USH2A: variants seen among roughly 807,000 people sequenced by gnomAD.
The protein encoded by USH2A is usherin, also known as Usher syndrome 2A (autosomal recessive, mild).
Under a neutral mutation model 538.9 loss-of-function variants are expected in USH2A, and 443 were observed. The observed-to-expected ratio is 0.82, with a 90% CI of 0.76 to 0.89. USH2A has a LOEUF of 0.89. Ranked by LOEUF, USH2A falls within the 40% of genes least tolerant of loss-of-function variation. The probability of loss-of-function intolerance (pLI) is 0.00; values close to 1 mark genes in which losing one functional copy is unlikely to be tolerated. For missense variants in USH2A, 6,633 were observed against 6,324.8 expected (o/e 1.05, Z -1.65); for synonymous variants, 2,413 against 2,273.5 (o/e 1.06, Z -1.75).
At chr1:215,955,910 C>T (rs1667053660) in intron 37 of USH2A, among the ~76,000 whole-genome samples, 1 of 152,124 alleles carries the variant, frequency 6.6e-6, no homozygotes, top group Non-Finnish European at 1.5e-5. Context: ...GGACCCATCA[C>T]CATCCAAGGA....
intron 14 of USH2A, among the ~76,000 whole-genome samples, chr1:216,229,910 G>T (rs1169143882): frequency 1.3e-5 from 2 of 152,140 alleles, no homozygotes; most frequent in Non-Finnish European, 2.9e-5. Flanking sequence ...TAAGAACATT[G>T]TAGGGTAGAG....
chr1:216,191,746 C>G (rs1207259947), intron 19 of USH2A, among the ~76,000 whole-genome samples: 1 of 151,708 alleles, frequency 6.6e-6, no homozygotes, highest in Non-Finnish European at 1.5e-5. Context: ...TGGTAGATTT[C>G]AATGTAAATT....
intron 64 of USH2A, among the ~76,000 whole-genome samples, chr1:215,652,414 A>AGCTT (rs1463764726): frequency 6.6e-6 from 1 of 152,240 alleles, no homozygotes; most frequent in Non-Finnish European, 1.5e-5. Flanking sequence ...AAGGTGTCTT[A>AGCTT]GCTTGCAAGG....
intron 47 of USH2A, among the ~76,000 whole-genome samples, chr1:215,826,796 A>C (rs532606867): frequency 6.6e-6 from 1 of 152,152 alleles, no homozygotes; most frequent in Non-Finnish European, 1.5e-5. Context: ...GCTCCATAAA[A>C]TGGTTATATA....
chr1:215,962,742 A>G (rs904790144), intron 37 of USH2A, among the ~76,000 whole-genome samples: 5 of 152,078 alleles, frequency 3.3e-5, no homozygotes, highest in African/African-American at 1.2e-4. Flanking sequence ...CTGAGACTGC[A>G]GAACAGGCTT....
chr1:216,108,510 C>T (rs1025022519), intron 21 of USH2A, among the ~76,000 whole-genome samples: 2 of 151,802 alleles, frequency 1.3e-5, no homozygotes, highest in African/African-American at 4.8e-5. Context: ...GTTTCATCAT[C>T]AAATTTGAAT....
chr1:216,341,344 G>A (rs181220701), intron 4 of USH2A, among the ~76,000 whole-genome samples: 2 of 152,144 alleles, frequency 1.3e-5, no homozygotes, highest in Admixed American at 6.6e-5. Context: ...GGAAATAAGA[G>A]AAGAAATAAA....
chr1:216,304,560 T>C (rs2037278705), intron 9 of USH2A, among the ~76,000 whole-genome samples: 1 of 151,374 alleles, frequency 6.6e-6, no homozygotes. Context: ...TCAATAAGAG[T>C]GGGTTTGGTT....
intron 37 of USH2A, among the ~76,000 whole-genome samples, chr1:215,951,621 G>C (rs1302435412): frequency 1.3e-5 from 2 of 151,998 alleles, no homozygotes; most frequent in Non-Finnish European, 2.9e-5. Flanking sequence ...TTAACTTTCT[G>C]TCTCGTTGAT....
chr1:216,381,407 G>A lies in USH2A; in HGVS notation c.652-16322C>T, dbSNP rs58970934. On this transcript the variant is annotated intron_variant, in intron 3 of 71. Transcript: ENST00000307340. ...TTCATTCTCTGGAGTGTGAGCAATCGTGAGCATAGTGTTTATTTAAGGAGA... is the reference window on the plus strand; with the variant it reads ...TTCATTCTCTGGAGTGTGAGCAATCATGAGCATAGTGTTTATTTAAGGAGA... Among the ~76,000 whole-genome samples, 706 of 152,280 alleles carry A rather than the reference G, an allele frequency of 4.6e-3. 6 individuals carry two copies. Among genetic ancestry groups the A allele is most frequent in the African/African-American group, 0.016 (646 of 41,558 alleles).
intron 9 of USH2A, among the ~76,000 whole-genome samples, chr1:216,315,803 A>G (rs2037496951): frequency 6.6e-6 from 1 of 152,186 alleles, no homozygotes. Context: ...AAACATTTAT[A>G]AATAACATGT....
At chr1:215,717,783 G>A (rs1659527012) in intron 61 of USH2A, among the ~76,000 whole-genome samples, 1 of 152,152 alleles carries the variant, frequency 6.6e-6, no homozygotes, top group South Asian at 2.1e-4. Flanking sequence ...AGACTACAGA[G>A]AAGCAATAGC....
chr1:215,990,007 A>G (rs1667967321), intron 35 of USH2A, among the ~76,000 whole-genome samples: 1 of 152,190 alleles, frequency 6.6e-6, no homozygotes, highest in Non-Finnish European at 1.5e-5. Context: ...GAATCAGATA[A>G]GTTTGAGAAA....
In USH2A at chr1:215,728,087, C is replaced by A; in HGVS notation, c.12009G>T (p.Gln4003His). Residue 4003 changes from glutamine (Q) to histidine (H), a missense_variant, in exon 61 of 72, where the codon CAG becomes CAT. Physicochemically the swap from Gln to His is conservative, Grantham distance 24. Coordinates refer to ENST00000307340, the MANE Select transcript of USH2A (RefSeq NM_206933.4). ...TAAATGTAGGATCGTCGGGTCTCTC[C>A]TGGTAGACCACACGGTAATGGGAGA... is the stretch of plus-strand genomic sequence containing the variant. ...GIISHYRVVYQERPDDPTFNS... is the reference protein window; with the variant it reads ...GIISHYRVVYHERPDDPTFNS... 6.2e-7 allele frequency: 1 copy of A among 1,614,162 alleles called. No individual in the cohort carries two copies.
rs538321433 is a variant in USH2A, at chr1:215,625,907, G to A, written c.15520-37C>T. 40 of 1,554,296 alleles carry A rather than the reference G, an allele frequency of 2.6e-5. 2 individuals are homozygous for A. In the South Asian group the frequency reaches 4.5e-4, roughly 17 times the overall value. ...GCCAATCATCATTGGCTACATACTT[G>A]CTATCAATAGTATTTGCTATCAATT... is the stretch of plus-strand genomic sequence containing the variant. On this transcript the variant is annotated intron_variant, in intron 71 of 71. Coordinates refer to ENST00000307340, the MANE Select transcript of USH2A (RefSeq NM_206933.4).
intron 32 of USH2A, among the ~76,000 whole-genome samples, chr1:216,010,764 G>A (rs564334994): frequency 9.1e-4 from 138 of 151,762 alleles, no homozygotes; most frequent in Middle Eastern, 6.8e-3. Context: ...TTATTAGGCT[G>A]AGACACTTTA....
chr1:215,782,899 C>T lies in USH2A; in HGVS notation c.10424G>A (p.Arg3475Lys), dbSNP rs1661684078. The change falls in exon 53 of 72, where the codon AGG becomes AAG. Residue 3475 changes from arginine (R) to lysine (K), a missense_variant. Physicochemically the swap from Arg to Lys is conservative, Grantham distance 26. Coordinates refer to ENST00000307340, the MANE Select transcript of USH2A (RefSeq NM_206933.4). ...NLKPYMTYEY[R>K]ISAWNSYGRG... ...CCCATAGCTGTTCCAGGCAGAAATC[C>T]TGTACTCATATGTCATGTAGGGCTT... 2 of 1,613,704 alleles carry T rather than the reference C, an allele frequency of 1.2e-6. No individual in the cohort carries two copies. Among genetic ancestry groups the T allele is most frequent in the Non-Finnish European group, 8.5e-7 (1 of 1,179,848 alleles).
chr1:216,178,675 A>G (rs1013870616), intron 20 of USH2A, among the ~76,000 whole-genome samples: 2 of 152,062 alleles, frequency 1.3e-5, no homozygotes, highest in Non-Finnish European at 2.9e-5. Context: ...GTAATATCCA[A>G]TAGCCAAAAA....
chr1:215,994,765 G>T (rs1668094289), intron 34 of USH2A, among the ~76,000 whole-genome samples: 1 of 152,104 alleles, frequency 6.6e-6, no homozygotes, highest in African/African-American at 2.4e-5. Context: ...TTTAGGACAG[G>T]TCACTGTGAG....
Sources: gnomAD v4.1 joint callset for allele counts (sites outside exome capture counted in the v4.1 genomes callset) on GRCh38, gnomAD v4.1.1 for gene constraint, MANE v1.5 for transcripts, NCBI Gene and HGNC (gene_info 2026-07-23, HGNC 2026-07-21) for gene names.